MICAL3: variants seen among roughly 807,000 people sequenced by gnomAD.
MICAL3 encodes the protein microtubule associated monooxygenase, calponin and LIM domain containing 3, also known as [F-actin]-monooxygenase MICAL3.
A neutral mutation model predicts 207.4 loss-of-function variants in MICAL3; 62 were observed. That is an observed-to-expected ratio of 0.30 (90% confidence interval 0.24 to 0.37). MICAL3 has a LOEUF of 0.37. Ranked by LOEUF, MICAL3 falls within the 10% of genes least tolerant of loss-of-function variation. The pLI is 1.00. For synonymous variants in MICAL3, 1,077 were observed against 1,069.3 expected (o/e 1.01, Z -0.14); for missense variants, 2,368 against 2,635.6 (o/e 0.90, Z 2.22).
intron 5 of MICAL3, among the ~76,000 whole-genome samples, chr22:17,901,502 T>C (rs1000625199): frequency 6.6e-6 from 1 of 151,922 alleles, no homozygotes; most frequent in Non-Finnish European, 1.5e-5. Flanking sequence ...AAACCCAATC[T>C]CTACAAAAAA....
intron 16 of MICAL3, among the ~76,000 whole-genome samples, chr22:17,879,941 G>A (rs1929263313): frequency 6.6e-6 from 1 of 152,174 alleles, no homozygotes; most frequent in Non-Finnish European, 1.5e-5. Context: ...TGGACGGGAA[G>A]GTATATGTGA....
At chr22:17,936,734 T>C (rs183491011) in intron 1 of MICAL3, among the ~76,000 whole-genome samples, 1 of 152,174 alleles carries the variant, frequency 6.6e-6, no homozygotes, top group Non-Finnish European at 1.5e-5. Flanking sequence ...TAAAAAATTC[T>C]CTAGAATTGA....
chr22:17,964,399 C>A (rs1423927500), intron 1 of MICAL3, among the ~76,000 whole-genome samples: 1 of 152,206 alleles, frequency 6.6e-6, no homozygotes, highest in Non-Finnish European at 1.5e-5. Context: ...CTGCTGCCAA[C>A]GCCACAGGCC....
intron 1 of MICAL3, among the ~76,000 whole-genome samples, chr22:17,931,666 TG>T (rs1263182026): frequency 6.6e-6 from 1 of 152,068 alleles, no homozygotes; most frequent in Non-Finnish European, 1.5e-5. Context: ...CATCCCCAAA[TG>T]GGCAGAAAGG....
intron 17 of MICAL3, among the ~76,000 whole-genome samples, chr22:17,866,601 C>CATAGAATAGA (rs1556037316): frequency 9.5e-5 from 7 of 73,578 alleles, no homozygotes; most frequent in South Asian, 9.1e-4. Flanking sequence ...AAGGGAACAG[C>CATAGAATAGA]ATAGAACAGA....
chr22:17,904,522 G>C, intron 3 of MICAL3, 110 bp downstream of exon 3: 2 of 824,724 alleles, frequency 2.4e-6, no homozygotes, highest in Non-Finnish European at 4.2e-6. Flanking sequence ...AATGAGATTA[G>C]AAGAAATTGG....
intron 17 of MICAL3, among the ~76,000 whole-genome samples, chr22:17,870,585 C>T (rs775880947): frequency 1.3e-5 from 2 of 152,162 alleles, no homozygotes; most frequent in Non-Finnish European, 2.9e-5. Context: ...GCAGACTCCA[C>T]GGTGAGAGGC....
At chr22:17,872,930 C>T (rs1233372313) in intron 16 of MICAL3, 18 of 984,912 alleles carry the variant, frequency 1.8e-5, no homozygotes, top group African/African-American at 3.2e-5. Context: ...TAAGAAGACA[C>T]GGGGAAAAAA....
chr22:18,016,089 T>C (rs1325025829), intron 1 of MICAL3, among the ~76,000 whole-genome samples: 2 of 152,234 alleles, frequency 1.3e-5, no homozygotes, highest in Admixed American at 1.3e-4. Flanking sequence ...GCTTTTCCCA[T>C]ATATTATCAT....
chr22:17,884,826 T>C (rs565050679), intron 16 of MICAL3, among the ~76,000 whole-genome samples: 28 of 152,224 alleles, frequency 1.8e-4, no homozygotes, highest in African/African-American at 6.0e-4. Context: ...CTGTGAGCCA[T>C]AGCATGAAAA....
intron 29 of MICAL3, among the ~76,000 whole-genome samples, chr22:17,802,256 G>T (rs1444088155): frequency 6.6e-6 from 1 of 151,960 alleles, no homozygotes; most frequent in Non-Finnish European, 1.5e-5. Context: ...ATAGAGACGG[G>T]GTTTCACCAT....
At chr22:17,831,425 C>G (rs1237141728) in intron 21 of MICAL3, among the ~76,000 whole-genome samples, 2 of 152,210 alleles carry the variant, frequency 1.3e-5, no homozygotes, top group Admixed American at 6.5e-5. Context: ...CAACTGAGCC[C>G]CATCCAGTGG....
chr22:17,848,537 T>C (rs1569093424), intron 19 of MICAL3, among the ~76,000 whole-genome samples: 3 of 152,226 alleles, frequency 2.0e-5, no homozygotes, highest in Non-Finnish European at 4.4e-5. Flanking sequence ...GCTTGGATAC[T>C]GGTTCACTCC....
At chr22:17,919,738 C>A (rs1932755284) in intron 1 of MICAL3, among the ~76,000 whole-genome samples, 1 of 152,202 alleles carries the variant, frequency 6.6e-6, no homozygotes, top group Non-Finnish European at 1.5e-5. Context: ...GGACCTGGCT[C>A]ACACAGGCTC....
intron 1 of MICAL3, among the ~76,000 whole-genome samples, chr22:17,998,563 A>ATTT (rs563326449): frequency 1.6e-5 from 2 of 128,248 alleles, no homozygotes; most frequent in African/African-American, 5.2e-5. Flanking sequence ...TATTATTATT[A>ATTT]TTTTTTTTTT....
chr22:17,927,052 G>A (rs766637506), intron 1 of MICAL3, among the ~76,000 whole-genome samples: 2 of 152,034 alleles, frequency 1.3e-5, no homozygotes, highest in Admixed American at 6.6e-5. Flanking sequence ...TTTGTCATCC[G>A]CAACAGAAAC....
chr22:17,846,979 C>T (rs1023679886), intron 19 of MICAL3, among the ~76,000 whole-genome samples: 4 of 152,212 alleles, frequency 2.6e-5, no homozygotes, highest in African/African-American at 7.2e-5. Flanking sequence ...CTGGAAGAAA[C>T]GTTTCTCCTA....
At chr22:17,860,425 C>T (rs117662450) in intron 19 of MICAL3, 39,457 of 985,418 alleles carry the variant, frequency 0.04, 866 homozygotes, top group South Asian at 0.046. Flanking sequence ...GCTCTCGTAC[C>T]GCCGCCGGGA....
At chr22:17,973,202 C>A (rs1602323275) in intron 1 of MICAL3, among the ~76,000 whole-genome samples, 1 of 152,364 alleles carries the variant, frequency 6.6e-6, no homozygotes, top group East Asian at 1.9e-4. Flanking sequence ...GCTGCTACCA[C>A]CCTCTTCACT....
Sources: allele counts gnomAD v4.1 joint callset (sites outside exome capture counted in the v4.1 genomes callset), GRCh38; gene constraint gnomAD v4.1.1; transcripts MANE v1.5; gene names NCBI Gene and HGNC (gene_info 2026-07-23, HGNC 2026-07-21).